The following TOP2A variants were observed in gnomAD, a reference collection of about 807,000 sequenced individuals.
The protein encoded by TOP2A is DNA topoisomerase 2-alpha.
A neutral mutation model predicts 187.2 loss-of-function variants in TOP2A; 68 were observed. The ratio of observed to expected loss-of-function variants is 0.36; its 90% confidence interval spans 0.30 to 0.44. The LOEUF is 0.44. TOP2A is among the 20% of genes least tolerant of loss of function. The pLI, the probability that TOP2A is intolerant of heterozygous loss-of-function variation, is 1.00. For missense variants in TOP2A, 1,196 were observed against 1,808.7 expected (o/e 0.66, Z 6.14); for synonymous variants, 542 against 593.2 (o/e 0.91, Z 1.25).
Position 40,389,873 on chromosome 17 carries a change from T to C in TOP2A, c.4467+92A>G, listed in dbSNP as rs2035000739. ...GCTAACAGAATATGAGAGTTAATTT[T>C]CTTAAAGATATGCCAAATTTTTAAG... On this transcript the variant is annotated intron_variant, in intron 34 of 34. Transcript: ENST00000423485. The C allele has an allele frequency of 4.4e-6, 6 of 1,363,638 alleles. No homozygotes were observed. In the South Asian group the frequency reaches 7.5e-5, roughly 17 times the overall value. The allele number at this position is 1,363,638 out of a possible 1,614,324, so 84.5% of individuals were successfully genotyped here. A position where few individuals can be genotyped will look rare whatever the true frequency, so the allele number is the denominator to read the frequency against.
chr17:40,393,260 G>A (rs2035048641), intron 29 of TOP2A, among the ~76,000 whole-genome samples: 2 of 152,196 alleles, frequency 1.3e-5, no homozygotes, highest in African/African-American at 4.8e-5. Flanking sequence ...CTGGGAGGTC[G>A]AGGCTGCAGT....
intron 21 of TOP2A, 92 bp downstream of exon 21, chr17:40,400,758 A>T: frequency 6.5e-7 from 1 of 1,538,470 alleles, no homozygotes; most frequent in Non-Finnish European, 8.8e-7. Flanking sequence ...GTATGAAATT[A>T]AATTTTATGT....
At position 40,392,643 on chromosome 17, in the gene TOP2A, G is replaced by A. The variant is rs2143624446; in HGVS notation, c.3906C>T (p.Ser1302=). Residue 1302 remains serine (S), a synonymous_variant, in exon 30 of 35, where the codon AGC becomes AGT. Transcript: ENST00000423485. ...GGACATCAAAATTACTTTCGTCACTGCTCCTATCTGATTCTGAATCAGACC... is the reference window on the plus strand; with the variant it reads ...GGACATCAAAATTACTTTCGTCACTACTCCTATCTGATTCTGAATCAGACC... The part of the protein sequence containing the change: ...NPWSDSESDR[S]SDESNFDVPP... 1 of 1,613,386 alleles carries A rather than the reference G, an allele frequency of 6.2e-7. No individual in the cohort carries two copies. Among genetic ancestry groups the A allele is most frequent in the African/African-American group, 1.3e-5 (1 of 74,986 alleles).
Position 40,400,410 on chromosome 17 carries a change from C to A in TOP2A, c.2800-1G>T, listed in dbSNP as rs2143647462. 6.2e-7 allele frequency: 1 copy of A among 1,612,548 alleles called. No homozygotes were observed. The highest frequency in any genetic ancestry group is 8.5e-7 in the Non-Finnish European group (1 of 1,179,476). ...GTTCTAGAACTTGTTCTTTGTATGT[C>A]TAAAGAAAGAAATAATCCTGAAGTT... is the stretch of plus-strand genomic sequence containing the variant. On this transcript the variant is annotated splice_acceptor_variant, in intron 22 of 34. Transcript: ENST00000423485. LOFTEE classifies it high-confidence loss of function.
In TOP2A at chr17:40,416,489, A is replaced by T; in HGVS notation, c.201T>A (p.Asp67Glu). ...VTQQMWVYDE[D>E]VGINYREVTF... ...TGACTTCCCTATAGTTAATGCCAAC[A>T]TCTTCATCGTAAACCCACATTTGCT... The change falls in exon 3 of 35, where the codon GAT (aspartate) becomes GAA (glutamate). Residue 67 changes from aspartate (D) to glutamate (E), a missense_variant. Asp to Glu is a conservative substitution (Grantham distance 45). This residue lies in a region of TOP2A where 97 missense variants were observed against 171.0 expected (regional missense o/e 0.57). Transcript: ENST00000423485. 6.2e-7 allele frequency: 1 copy of T among 1,604,692 alleles called. No homozygotes were observed. The highest frequency in any genetic ancestry group is 1.3e-5 in the African/African-American group (1 of 74,878).
intron 22 of TOP2A, 29 bp from the exon 23 acceptor site, chr17:40,400,438 T>C (rs371156461): frequency 3.5e-5 from 56 of 1,608,828 alleles, no homozygotes; most frequent in Non-Finnish European, 5.1e-6. Flanking sequence ...CTGAAGTTTC[T>C]AAAATATAGG....
chr17:40,396,348 C>T lies in TOP2A; in HGVS notation c.3655G>A (p.Val1219Ile), dbSNP rs747419092. The change falls in exon 28 of 35, where the codon GTC becomes ATC. Residue 1219 changes from valine (V) to isoleucine (I), a missense_variant. Val to Ile is a conservative substitution (Grantham distance 29). Coordinates refer to ENST00000423485, the MANE Select transcript of TOP2A (RefSeq NM_001067.4). ...ATTTCTATGGTTATTCGTGGAATGA[C>T]TCTTTGACCACGCGGAGAAGGCAAA... ...EVLPSPRGQR[V>I]IPRITIEMKA... is the part of the protein sequence containing the mutation. The T allele has an allele frequency of 1.2e-6, 2 of 1,613,812 alleles. No homozygotes were observed. Among genetic ancestry groups the T allele is most frequent in the Non-Finnish European group, 1.7e-6 (2 of 1,179,800 alleles).
At chr17:40,405,027 T>A (rs2035221656) in intron 16 of TOP2A, 144 bp from the exon 17 acceptor site, 1 of 584,284 alleles carries the variant, frequency 1.7e-6, no homozygotes, top group Non-Finnish European at 3.0e-6. Flanking sequence ...TACTGTTCTC[T>A]TGCCCAGCCT....
rs762839559 is a variant in TOP2A, at chr17:40,411,066, TAA to T, written c.1203+41_1203+42del. 2.7e-5 allele frequency: 41 copies of T among 1,536,996 alleles called. No individual in the cohort carries two copies. The African/African-American group carries it at 5.1e-4, about 19-fold the overall frequency. ...CAGAGCTAAGAAGTGCAATGGAAAATAAAGTCAGGTGTTTCTATTTTTATTTT... is the reference window on the plus strand; with the variant it reads ...CAGAGCTAAGAAGTGCAATGGAAAATAGTCAGGTGTTTCTATTTTTATTTT... On this transcript the variant is annotated intron_variant, in intron 10 of 34. Transcript: ENST00000423485. The surrounding 1 kb of genome is among the most constrained non-coding windows in gnomAD (Gnocchi z 4.4).
chr17:40,401,155 T>C (rs1490908508), intron 20 of TOP2A, 74 bp from the exon 21 acceptor site: 1 of 1,257,590 alleles, frequency 8.0e-7, no homozygotes, highest in Admixed American at 2.4e-5. Context: ...GGAAAGGACA[T>C]GTATTATACA....
In TOP2A at chr17:40,406,826, G is replaced by C. The variant is rs997518822; in HGVS notation, c.1737+6C>G. The C allele has an allele frequency of 1.3e-5, 21 of 1,595,766 alleles. No individual in the cohort carries two copies. Among genetic ancestry groups the C allele is most frequent in the Non-Finnish European group, 1.8e-5 (21 of 1,166,744 alleles). ...TATCCATGATGGTACTTAGAAATTAGCGTACCTTTACAATGGGAGTGATAA... is the reference window on the plus strand; with the variant it reads ...TATCCATGATGGTACTTAGAAATTACCGTACCTTTACAATGGGAGTGATAA... On this transcript the variant is annotated splice_donor_region_variant and intron_variant, in intron 14 of 34. Coordinates refer to ENST00000423485, the MANE Select transcript of TOP2A (RefSeq NM_001067.4).
chr17:40,408,333 C>T (rs1279971498), intron 11 of TOP2A, among the ~76,000 whole-genome samples, 159 bp downstream of exon 11: 1 of 152,032 alleles, frequency 6.6e-6, no homozygotes, highest in East Asian at 1.9e-4. Context: ...TGGAAATGAC[C>T]TAAATCTTCC....
At chr17:40,394,256 G>T (rs1025323616) in intron 29 of TOP2A, among the ~76,000 whole-genome samples, 2 of 152,180 alleles carry the variant, frequency 1.3e-5, no homozygotes, top group African/African-American at 4.8e-5. Context: ...GCAAATGATT[G>T]TTAATGAGTT....
intron 10 of TOP2A, chr17:40,410,749 GGA>G (rs937525834): frequency 1.4e-5 from 6 of 423,410 alleles, no homozygotes; most frequent in Middle Eastern, 3.4e-4. Context: ...TTTTTTTGTT[GGA>G]GAGTGGGGGG....
intron 16 of TOP2A, 86 bp downstream of exon 16, chr17:40,406,298 G>A (rs1296070606): frequency 1.1e-6 from 1 of 870,524 alleles, no homozygotes; most frequent in African/African-American, 1.7e-5. Context: ...TTGATACGGA[G>A]TCTTATACAA....
chr17:40,410,657 G>C (rs771496483), intron 10 of TOP2A: 1 of 455,874 alleles, frequency 2.2e-6, no homozygotes, highest in African/African-American at 2.0e-5. Context: ...TTAGAGAGGA[G>C]GGGAAATAAA....
In TOP2A at chr17:40,404,140, T is replaced by C; in HGVS notation, c.2283+12A>G. 6.2e-7 allele frequency: 1 copy of C among 1,611,330 alleles called. No individual in the cohort carries two copies. The highest frequency in any genetic ancestry group is 2.2e-5 in the East Asian group (1 of 44,852). The stretch of plus-strand genomic sequence containing the variant: ...ATATAATGCTTTCTGGAAACATGGA[T>C]TGTGTGTTTACCTCACCATGATGAT... On this transcript the variant is annotated intron_variant, in intron 19 of 34. Transcript: ENST00000423485.
In TOP2A at chr17:40,407,570, C is replaced by T. The variant is rs930883729; in HGVS notation, c.1605G>A (p.Lys535=). 4 of 1,586,418 alleles carry T rather than the reference C, an allele frequency of 2.5e-6. No individual in the cohort carries two copies. The highest frequency in any genetic ancestry group is 3.4e-6 in the Non-Finnish European group (4 of 1,173,494). The part of the protein sequence containing the change: ...EDSLKTLRYG[K]IMIMTDQDQD... ...TGACCTGATCTGTCATAATCATTAT[C>T]TTCCCATAACGAAGCGTCTTCAATG... Residue 535 remains lysine (K), a synonymous_variant, in exon 13 of 35, where the codon AAG becomes AAA. Transcript: ENST00000423485.
At position 40,391,500 on chromosome 17, in the gene TOP2A, G is replaced by C; in HGVS notation, c.4267+6C>G. On this transcript the variant is annotated splice_donor_region_variant and intron_variant, in intron 33 of 34. Coordinates refer to ENST00000423485, the MANE Select transcript of TOP2A (RefSeq NM_001067.4). ...ACATTAACCCATCTCAAAGATTTAG[G>C]CTTACTTTTTGCTGCTGTCTTCTTC... 6.2e-7 allele frequency: 1 copy of C among 1,607,098 alleles called. No individual in the cohort carries two copies. The highest frequency in any genetic ancestry group is 8.5e-7 in the Non-Finnish European group (1 of 1,177,596).
Sources: allele counts gnomAD v4.1 joint callset (sites outside exome capture counted in the v4.1 genomes callset), GRCh38; gene constraint gnomAD v4.1.1; regional missense constraint gnomAD v4.1.1; non-coding constraint Gnocchi (gnomAD v3.1); transcripts MANE v1.5; gene names NCBI Gene and HGNC (gene_info 2026-07-23, HGNC 2026-07-21).